Variants in CDAN1 observed in about 807,000 individuals in gnomAD.
CDAN1 encodes codanin-1.
In CDAN1, 107 loss-of-function variants were observed where a neutral mutation model predicts 139.8. The observed-to-expected ratio is 0.77, with a 90% CI of 0.65 to 0.90. The LOEUF (loss-of-function observed/expected upper bound fraction) is 0.90, where lower values mean the gene tolerates loss of function less well. Ranked by LOEUF, CDAN1 falls within the 40% of genes least tolerant of loss-of-function variation. The probability of loss-of-function intolerance (pLI) is 0.00; values close to 1 mark genes in which losing one functional copy is unlikely to be tolerated. For synonymous variants in CDAN1, 776 were observed against 660.6 expected, an observed-to-expected ratio of 1.17 and a Z score of -2.68; for missense variants, 1,667 against 1,575.7, an observed-to-expected ratio of 1.06 and a Z score of -0.98.
chr15:42,736,946 T>C, intron 1 of CDAN1, 67 bp downstream of exon 1: 1 of 1,497,598 alleles, frequency 6.7e-7, no homozygotes, highest in Non-Finnish European at 9.0e-7. Context: ...GGAAGGGGAC[T>C]GGAGGGCTGG....
At chr15:42,732,671 G>A (rs920598803) in intron 9 of CDAN1, among the ~76,000 whole-genome samples, 2 of 152,178 alleles carry the variant, frequency 1.3e-5, no homozygotes, top group Non-Finnish European at 2.9e-5. Context: ...AACAGGCGGC[G>A]GGTTTCATGA....
intron 11 of CDAN1, 133 bp from the exon 12 acceptor site, chr15:42,731,464 G>A (rs111620957): frequency 2.1e-5 from 30 of 1,441,842 alleles, no homozygotes; most frequent in African/African-American, 9.8e-5. Context: ...AATCACCCAC[G>A]TGGGTGACAG....
At chr15:42,731,169 C>T in intron 12 of CDAN1, 42 bp downstream of exon 12, 2 of 1,614,230 alleles carry the variant, frequency 1.2e-6, no homozygotes, top group Non-Finnish European at 1.7e-6. Context: ...TCCCTTCCCT[C>T]CTGGGTCAGA....
chr15:42,728,094 A>AGAGT, intron 21 of CDAN1, 61 bp from the exon 22 acceptor site: 25 of 1,592,672 alleles, frequency 1.6e-5, no homozygotes, highest in Non-Finnish European at 2.0e-5. Context: ...AAAGGATGCC[A>AGAGT]GAGTCGAGCA....
chr15:42,726,023 C>G, intron 25 of CDAN1, 74 bp downstream of exon 25: 6 of 772,534 alleles, frequency 7.8e-6, no homozygotes, highest in Non-Finnish European at 1.3e-5. Context: ...GGCTCTGTTT[C>G]TAATCTTGCT....
At chr15:42,726,195 G>C (rs1464215735) in intron 24 of CDAN1, 35 bp from the exon 25 acceptor site, 2 of 1,611,506 alleles carry the variant, frequency 1.2e-6, no homozygotes, top group African/African-American at 2.7e-5. Context: ...AGAGACCATA[G>C]GTATCACCAT....
At chr15:42,730,045 G>T in intron 15 of CDAN1, 83 bp downstream of exon 15, 1 of 1,375,674 alleles carries the variant, frequency 7.3e-7, no homozygotes, top group Non-Finnish European at 1.0e-6. Context: ...TCCAGCCCTT[G>T]CCTCATTCGC....
chr15:42,730,894 C>G, intron 13 of CDAN1, 31 bp downstream of exon 13: 1 of 1,614,100 alleles, frequency 6.2e-7, no homozygotes, highest in Non-Finnish European at 8.5e-7. Flanking sequence ...CCTCCCTGCT[C>G]CCTCCTCACC....
At position 42,725,614 on chromosome 15, in the gene CDAN1, G is replaced by A. The variant is rs1352466280; in HGVS notation, c.3325C>T (p.Gln1109Ter). 6.2e-7 allele frequency: 1 copy of A among 1,614,144 alleles called. No homozygotes were observed. The highest frequency in any genetic ancestry group is 1.1e-5 in the South Asian group (1 of 91,088). The stretch of plus-strand genomic sequence containing the variant: ...AGCATGTGCAGAAGCCTTCGAGCCT[G>A]CCCTCTCTCCAGCCTGTACTGTGCC... ...PPAQYRLERG[Q>*]ARRLLHMLLS... Residue 1109 changes from glutamine (Q) to a stop codon, truncating the protein, a stop_gained, in exon 26 of 28, where the codon CAG (glutamine) becomes TAG (stop). Transcript: ENST00000356231. LOFTEE classifies it high-confidence loss of function.
At position 42,727,719 on chromosome 15, in the gene CDAN1, G is replaced by C. The variant is rs776079135; in HGVS notation, c.2998C>G (p.Gln1000Glu). The C allele has an allele frequency of 4.4e-6, 7 of 1,585,602 alleles. No individual in the cohort carries two copies. The South Asian group carries it at 8.0e-5, about 18-fold the overall frequency. ...KAAVSRTLRAQGPEPAARGER... is the reference protein window; with the variant it reads ...KAAVSRTLRAEGPEPAARGER... The stretch of plus-strand genomic sequence containing the variant: ...CCCCGGGCAGCAGGTTCAGGACCCT[G>C]GGCTCGAAGTGTGCGACTCACTGCT... Residue 1000 changes from glutamine (Q) to glutamate (E), a missense_variant, in exon 23 of 28, where the codon CAG becomes GAG. By Grantham distance (29) the Gln-to-Glu change is conservative. Around this residue, in one of 3 missense-constraint regions of CDAN1, gnomAD observed 936 missense variants for 844.1 expected, o/e 1.11. Transcript: ENST00000356231.
chr15:42,732,992 G>T, intron 9 of CDAN1, 105 bp downstream of exon 9: 2 of 888,086 alleles, frequency 2.3e-6, no homozygotes, highest in Non-Finnish European at 3.6e-6. Context: ...ACAGCTAATG[G>T]CTGGTAGGAG....
intron 16 of CDAN1, 70 bp from the exon 17 acceptor site, chr15:42,729,692 G>T (rs1458898541): frequency 1.3e-6 from 2 of 1,599,480 alleles, no homozygotes; most frequent in East Asian, 2.2e-5. Context: ...GCAGTTGGCA[G>T]GGCCTTTACA....
chr15:42,728,819 G>A lies in CDAN1; in HGVS notation c.2646-9C>T, dbSNP rs769402481. The A allele has an allele frequency of 1.2e-6, 2 of 1,614,172 alleles. No homozygotes were observed. The highest frequency in any genetic ancestry group is 4.5e-5 in the East Asian group (2 of 44,868). ...CTGCCACCAGTGTAGCCCTGCAGCA[G>A]GGACAGCAAGGTTGGGGATGGTTGG... is the stretch of plus-strand genomic sequence containing the variant. On this transcript the variant is annotated splice_polypyrimidine_tract_variant and intron_variant, in intron 19 of 27. Transcript: ENST00000356231.
chr15:42,731,517 G>A, intron 11 of CDAN1, 103 bp downstream of exon 11: 2 of 1,435,780 alleles, frequency 1.4e-6, no homozygotes, highest in Non-Finnish European at 2.0e-6. Context: ...GCTGGAAGGA[G>A]CCTATCTCCA....
Position 42,723,787 on chromosome 15 carries a change from A to G in CDAN1, c.*704T>C, listed in dbSNP as rs1595846220. The stretch of plus-strand genomic sequence containing the variant: ...AGTGGTGCGACCTCGGCTCACTGCA[A>G]CCTCCACCTCCAGGTTCAAGCAGGT... On this transcript the variant is annotated 3_prime_UTR_variant, in exon 28 of 28. Coordinates refer to ENST00000356231, the MANE Select transcript of CDAN1 (RefSeq NM_138477.4). 6.5e-6 allele frequency: 1 copy of G among 154,216 alleles called. No homozygotes were observed. The highest frequency in any genetic ancestry group is 6.4e-5 in the Admixed American group (1 of 15,620). 9.6% of individuals were successfully genotyped at this position (154,216 alleles called of 1,614,324 possible). A position where few individuals can be genotyped will look rare whatever the true frequency, so the allele number is the denominator to read the frequency against.
rs2061681851 is a variant in CDAN1, at chr15:42,735,959, G to A, written c.689C>T (p.Ala230Val). The A allele has an allele frequency of 6.2e-7, 1 of 1,614,204 alleles. No individual in the cohort carries two copies. Among genetic ancestry groups the A allele is most frequent in the Non-Finnish European group, 8.5e-7 (1 of 1,180,026 alleles). Reference protein sequence around the residue: ...ISCVPSSQPSALDTSPWGLGL... With the variant: ...ISCVPSSQPSVLDTSPWGLGL... ...AAGGCCCCAAGGGCTAGTGTCCAGG[G>A]CTGAGGGTTGGGAACTGGGGACACA... The change falls in exon 3 of 28, where the codon GCC becomes GTC. Residue 230 changes from alanine (A) to valine (V), a missense_variant. Ala to Val is a moderately conservative substitution (Grantham distance 64). This residue lies in a region of CDAN1 where 487 missense variants were observed against 422.2 expected (regional missense o/e 1.15). Transcript: ENST00000356231.
At chr15:42,725,335 C>A in intron 26 of CDAN1, 84 bp from the exon 27 acceptor site, 2 of 1,494,334 alleles carry the variant, frequency 1.3e-6, no homozygotes, top group Non-Finnish European at 1.9e-6. Context: ...AAGGGCAGAG[C>A]TGCTGGGAAG....
intron 6 of CDAN1, 142 bp downstream of exon 6, chr15:42,734,958 C>G: frequency 1.4e-6 from 1 of 720,314 alleles, no homozygotes; most frequent in Non-Finnish European, 2.5e-6. Context: ...ATAGCCTTAA[C>G]ACAAAATTAA....
chr15:42,730,819 G>A (rs1783668081), intron 13 of CDAN1, 55 bp from the exon 14 acceptor site: 8 of 1,612,800 alleles, frequency 5.0e-6, no homozygotes, highest in South Asian at 2.2e-5. Flanking sequence ...GCTGGGAGAT[G>A]CCCTTTAACC....
Sources: gnomAD v4.1 joint callset for allele counts (sites outside exome capture counted in the v4.1 genomes callset) on GRCh38, gnomAD v4.1.1 for gene constraint, gnomAD v4.1.1 regional missense constraint, MANE v1.5 for transcripts, NCBI Gene and HGNC (gene_info 2026-07-23, HGNC 2026-07-21) for gene names.